The following PCDHGA1 variants were observed in gnomAD, a reference collection of about 807,000 sequenced individuals.
The protein encoded by PCDHGA1 is protocadherin gamma-A1.
PCDHGA1 carries 32 observed loss-of-function variants against 58.0 expected under a neutral mutation model. The ratio of observed to expected loss-of-function variants is 0.55; its 90% CI spans 0.42 to 0.74. The LOEUF (loss-of-function observed/expected upper bound fraction) is 0.74, where lower values mean the gene tolerates loss of function less well. Ranked by LOEUF, PCDHGA1 falls within the 30% of genes least tolerant of loss-of-function variation. The pLI is 0.00. For synonymous variants in PCDHGA1, 498 were observed against 501.1 expected, an observed-to-expected ratio of 0.99 and a Z score of 0.08; for missense variants, 1,205 against 1,182.3, an observed-to-expected ratio of 1.02 and a Z score of -0.28.
intron 1 of PCDHGA1, chr5:141,418,567 T>C: frequency 6.2e-7 from 1 of 1,614,014 alleles, no homozygotes; most frequent in Non-Finnish European, 8.5e-7. Flanking sequence ...TAGATGCCAA[T>C]GACAACCCCC....
At position 141,365,079 on chromosome 5, in the gene PCDHGA1, G is replaced by A. The variant is rs748153099; in HGVS notation, c.2421+31974G>A. 1.9e-5 allele frequency: 31 copies of A among 1,613,864 alleles called. No homozygotes were observed. The South Asian group carries it at 3.4e-4, about 18-fold the overall frequency. On this transcript the variant is annotated intron_variant, in intron 1 of 3. Coordinates refer to ENST00000517417, the MANE Select transcript of PCDHGA1 (RefSeq NM_018912.3). ...TTCACCCCATCCGAGTACAGCGTGAGTGTTCCAGAGAACATACCTGTGGGC... is the reference window on the plus strand; with the variant it reads ...TTCACCCCATCCGAGTACAGCGTGAATGTTCCAGAGAACATACCTGTGGGC...
intron 1 of PCDHGA1, among the ~76,000 whole-genome samples, chr5:141,484,023 G>A (rs67828357): frequency 0.059 from 8,857 of 150,044 alleles, 313 homozygotes; most frequent in South Asian, 0.11. Context: ...GGTGGGGTGA[G>A]ATCAAGTCTC....
intron 1 of PCDHGA1, chr5:141,433,018 T>C: frequency 6.2e-7 from 1 of 1,614,120 alleles, no homozygotes. Flanking sequence ...TGCAGACCTA[T>C]TCCCACGAGG....
chr5:141,413,386 G>A (rs757396075), intron 1 of PCDHGA1: 6 of 1,613,884 alleles, frequency 3.7e-6, no homozygotes, highest in African/African-American at 1.3e-5. Context: ...AGTCCGCATA[G>A]TCTCCAGAGG....
At chr5:141,377,892 CT>C (rs946360367) in intron 1 of PCDHGA1, 2 of 152,170 alleles carry the variant, frequency 1.3e-5, no homozygotes, top group Non-Finnish European at 2.9e-5. Context: ...TAGGATCCCC[CT>C]CTGTTGCCCA....
At chr5:141,427,960 G>C (rs759698390) in intron 1 of PCDHGA1, 7 of 1,589,168 alleles carry the variant, frequency 4.4e-6, no homozygotes, top group South Asian at 1.1e-5. Flanking sequence ...AATGTGCCGC[G>C]GGTGCTGTAC....
chr5:141,385,182 G>T (rs374159387), intron 1 of PCDHGA1: 2 of 1,614,138 alleles, frequency 1.2e-6, no homozygotes, highest in Non-Finnish European at 8.5e-7. Flanking sequence ...CCCTCACCGC[G>T]GACTCTCGGA....
At position 141,477,222 on chromosome 5, in the gene PCDHGA1, C is replaced by T; in HGVS notation, c.2422-17585C>T. Reference sequence around the variant, plus strand: ...GTACCCGAGGATGCCCCTCTGGGGACTGTCATCGCTTTGCTCAGTGTGACT... The same window carrying T: ...GTACCCGAGGATGCCCCTCTGGGGATTGTCATCGCTTTGCTCAGTGTGACT... On this transcript the variant is annotated intron_variant, in intron 1 of 3. Transcript: ENST00000517417. This position sits in a 1 kb window ranked among gnomAD's most constrained non-coding sequence, Gnocchi z 4.9. 2 of 1,614,218 alleles carry T rather than the reference C, an allele frequency of 1.2e-6. No homozygotes were observed. Among genetic ancestry groups the T allele is most frequent in the South Asian group, 1.1e-5 (1 of 91,086 alleles).
At chr5:141,371,785 A>G (rs1332853019) in intron 1 of PCDHGA1, 1 of 1,613,964 alleles carries the variant, frequency 6.2e-7, no homozygotes, top group Admixed American at 1.7e-5. Flanking sequence ...GTAGCTGAGA[A>G]CAATCCGCCT....
At chr5:141,344,427 A>G (rs1193913863) in intron 1 of PCDHGA1, 2 of 1,613,058 alleles carry the variant, frequency 1.2e-6, no homozygotes, top group Non-Finnish European at 1.7e-6. Flanking sequence ...TAATGCTCCT[A>G]ATTTCCCAAC....
intron 1 of PCDHGA1, chr5:141,419,602 C>T (rs757423030): frequency 6.2e-7 from 1 of 1,611,874 alleles, no homozygotes; most frequent in Admixed American, 1.7e-5. Flanking sequence ...TGCCGCGGGC[C>T]GCGCAGCCAG....
rs1330469043 is a variant in PCDHGA1 at position 141,491,537 on chromosome 5, C to A, written c.2422-3270C>A. On this transcript the variant is annotated intron_variant, in intron 1 of 3. Transcript: ENST00000517417. This position sits in a 1 kb window ranked among gnomAD's most constrained non-coding sequence, Gnocchi z 6.9. ...AAGTACATGGAGGTGACGCTGCGGCCCACAGACTCGCAGAGCCACTGCTAC... is the reference window on the plus strand; with the variant it reads ...AAGTACATGGAGGTGACGCTGCGGCACACAGACTCGCAGAGCCACTGCTAC... The A allele has an allele frequency of 6.2e-7, 1 of 1,613,908 alleles. No homozygotes were observed. Among genetic ancestry groups the A allele is most frequent in the African/African-American group, 1.3e-5 (1 of 74,920 alleles).
chr5:141,345,870 G>A (rs201026497), intron 1 of PCDHGA1: 2 of 1,613,440 alleles, frequency 1.2e-6, no homozygotes, highest in Non-Finnish European at 1.7e-6. Context: ...CAAGGCCAGC[G>A]AGCCGGGACT....
rs1002764667 is a variant in PCDHGA1, at chr5:141,468,260, G to A, written c.2422-26547G>A. 4.0e-5 allele frequency among the ~76,000 whole-genome samples: 6 copies of A among 150,102 alleles called. No homozygotes were observed. The East Asian group carries it at 1.2e-3, about 30-fold the overall frequency. ...GAATTGCCTGAACCTGGGAGGCAGA[G>A]GTTGTGGTGAGCCGAGACCACGCCA... On this transcript the variant is annotated intron_variant, in intron 1 of 3. Coordinates refer to ENST00000517417, the MANE Select transcript of PCDHGA1 (RefSeq NM_018912.3).
At chr5:141,389,091 G>A (rs1303132964) in intron 1 of PCDHGA1, 1 of 1,614,038 alleles carries the variant, frequency 6.2e-7, no homozygotes, top group Non-Finnish European at 8.5e-7. Flanking sequence ...GTATAAATTA[G>A]TGACAGATGC....
At chr5:141,377,672 C>CAAG (rs1410106152) in intron 1 of PCDHGA1, 2 of 151,680 alleles carry the variant, frequency 1.3e-5, no homozygotes, top group Admixed American at 1.3e-4. Context: ...GACGTTCATA[C>CAAG]AAGAGATCTT....
intron 1 of PCDHGA1, chr5:141,375,869 A>G (rs767048735): frequency 1.2e-6 from 2 of 1,613,850 alleles, no homozygotes; most frequent in Admixed American, 1.7e-5. Context: ...GGCGGTGGAC[A>G]GAGACTCGGG....
At chr5:141,448,667 G>A (rs1262994760) in intron 1 of PCDHGA1, among the ~76,000 whole-genome samples, 6 of 151,990 alleles carry the variant, frequency 3.9e-5, no homozygotes, top group African/African-American at 9.7e-5. Flanking sequence ...TTGGCCGGGC[G>A]CGGTGGCTCA....
chr5:141,417,634 G>A, intron 1 of PCDHGA1: 1 of 721,778 alleles, frequency 1.4e-6, no homozygotes, highest in Non-Finnish European at 2.1e-6. Context: ...GCTGACGCCG[G>A]GGATCCCTCA....
Sources: allele counts gnomAD v4.1 joint callset (sites outside exome capture counted in the v4.1 genomes callset), GRCh38; gene constraint gnomAD v4.1.1; non-coding constraint Gnocchi (gnomAD v3.1); transcripts MANE v1.5; gene names NCBI Gene and HGNC (gene_info 2026-07-23, HGNC 2026-07-21).